The following ADAMTSL1 variants were observed in gnomAD, a reference collection of about 807,000 sequenced individuals.
The protein encoded by ADAMTSL1 is ADAMTS like 1, also known as ADAMTS-like protein 1.
A neutral mutation model predicts 201.8 loss-of-function variants in ADAMTSL1; 126 were observed. The ratio of observed to expected loss-of-function variants is 0.62; its 90% CI spans 0.54 to 0.72. ADAMTSL1 has a LOEUF of 0.72. ADAMTSL1 is among the 30% of genes least tolerant of loss of function. The pLI, the probability that ADAMTSL1 is intolerant of heterozygous loss-of-function variation, is 0.00. For missense variants in ADAMTSL1, 2,679 were observed against 2,277.8 expected (o/e 1.18, Z -3.59); for synonymous variants, 1,121 against 903.4 (o/e 1.24, Z -4.32).
chr9:18,557,768 A>G (rs1821190418), intron 3 of ADAMTSL1, among the ~76,000 whole-genome samples: 1 of 152,092 alleles, frequency 6.6e-6, no homozygotes. Context: ...AATGACTGGC[A>G]TAAGAACCAC....
intron 2 of ADAMTSL1, among the ~76,000 whole-genome samples, chr9:18,166,499 AT>A (rs535283368): frequency 6.6e-6 from 1 of 152,070 alleles, no homozygotes; most frequent in South Asian, 2.1e-4. Flanking sequence ...TGATAAAAAA[AT>A]ATTTGGGATT....
chr9:18,534,903 C>T (rs991084345), intron 3 of ADAMTSL1, among the ~76,000 whole-genome samples: 1 of 152,206 alleles, frequency 6.6e-6, no homozygotes, highest in Non-Finnish European at 1.5e-5. Flanking sequence ...CAGGGGGCCA[C>T]AGACCTGGTC....
At chr9:18,286,523 A>C (rs1217159681) in intron 2 of ADAMTSL1, among the ~76,000 whole-genome samples, 1 of 152,328 alleles carries the variant, frequency 6.6e-6, no homozygotes, top group East Asian at 1.9e-4. Flanking sequence ...CAGAACTTGC[A>C]TCCAAAGATA....
At chr9:18,104,676 C>G (rs924644124) in intron 1 of ADAMTSL1, among the ~76,000 whole-genome samples, 2 of 152,162 alleles carry the variant, frequency 1.3e-5, no homozygotes, top group Non-Finnish European at 2.9e-5. Context: ...ACTAAAAGCC[C>G]AGACTTCACC....
At chr9:18,799,368 A>G (rs1822631255) in intron 20 of ADAMTSL1, among the ~76,000 whole-genome samples, 1 of 152,228 alleles carries the variant, frequency 6.6e-6, no homozygotes, top group South Asian at 2.1e-4. Flanking sequence ...TTCAGCACTC[A>G]GCCATCTTGC....
chr9:18,591,102 T>C (rs1197348086), intron 4 of ADAMTSL1, among the ~76,000 whole-genome samples: 3 of 152,186 alleles, frequency 2.0e-5, no homozygotes, highest in Admixed American at 2.0e-4. Flanking sequence ...GTCTGGATGA[T>C]CTGTCCATTG....
intron 1 of ADAMTSL1, among the ~76,000 whole-genome samples, chr9:17,970,260 G>A (rs1470402042): frequency 1.3e-5 from 2 of 151,986 alleles, no homozygotes; most frequent in African/African-American, 2.4e-5. Context: ...AGGACCCATT[G>A]TATCTTTTAT....
At position 18,777,630 on chromosome 9, in the gene ADAMTSL1, C is replaced by G. The variant is rs768043936; in HGVS notation, c.3401C>G (p.Pro1134Arg). The change falls in exon 19 of 29, where the codon CCT (proline) becomes CGT (arginine). Residue 1134 changes from proline to arginine, a missense_variant. Pro to Arg is a moderately radical substitution (Grantham distance 103). Coordinates refer to ENST00000380548, the MANE Select transcript of ADAMTSL1 (RefSeq NM_001040272.6). ...AGGACTTCCCCAGTGACTCTCTCGC[C>G]TCATAAACACGTGTCTGGCTTCAGC... Reference protein sequence around the residue: ...ERRTSPVTLSPHKHVSGFSSS... With the variant: ...ERRTSPVTLSRHKHVSGFSSS... 3 of 1,613,728 alleles carry G rather than the reference C, an allele frequency of 1.9e-6. No individual in the cohort carries two copies. Among genetic ancestry groups the G allele is most frequent in the African/African-American group, 2.7e-5 (2 of 75,044 alleles).
At chr9:18,044,799 G>C (rs1280484574) in intron 1 of ADAMTSL1, among the ~76,000 whole-genome samples, 1 of 152,120 alleles carries the variant, frequency 6.6e-6, no homozygotes, top group Non-Finnish European at 1.5e-5. Flanking sequence ...TATCAGCAGA[G>C]TCACACCTAG....
At chr9:18,686,280 C>G (rs2133208610) in intron 13 of ADAMTSL1, among the ~76,000 whole-genome samples, 1 of 152,276 alleles carries the variant, frequency 6.6e-6, no homozygotes, top group East Asian at 1.9e-4. Context: ...TATTTCTGTA[C>G]TGTAAAGTTA....
intron 2 of ADAMTSL1, among the ~76,000 whole-genome samples, chr9:18,208,437 A>G (rs1829742500): frequency 6.6e-6 from 1 of 152,170 alleles, no homozygotes; most frequent in Non-Finnish European, 1.5e-5. Flanking sequence ...CAGCCCATGG[A>G]TCATCAGATA....
At chr9:18,539,607 TC>T (rs1820004674) in intron 3 of ADAMTSL1, among the ~76,000 whole-genome samples, 1 of 152,182 alleles carries the variant, frequency 6.6e-6, no homozygotes, top group Non-Finnish European at 1.5e-5. Flanking sequence ...TTCTATGACA[TC>T]TCATCTTCGT....
chr9:18,846,248 T>C (rs1170357273), intron 23 of ADAMTSL1, among the ~76,000 whole-genome samples: 3 of 152,114 alleles, frequency 2.0e-5, no homozygotes, highest in Non-Finnish European at 2.9e-5. Context: ...TAGAGTCTGA[T>C]GGGAAAGTTC....
intron 3 of ADAMTSL1, among the ~76,000 whole-genome samples, chr9:18,540,880 C>G (rs1238313192): frequency 2.0e-5 from 3 of 152,158 alleles, no homozygotes; most frequent in Non-Finnish European, 2.9e-5. Flanking sequence ...AATCCCCCAC[C>G]TACTAGAGAG....
At chr9:18,280,872 G>A (rs1024610255) in intron 2 of ADAMTSL1, among the ~76,000 whole-genome samples, 5 of 108,586 alleles carry the variant, frequency 4.6e-5, no homozygotes, top group South Asian at 3.6e-4. Flanking sequence ...GCTGCATTCC[G>A]CTTTTTTTTT....
At chr9:18,479,980 C>T (rs1005078684) in intron 1 of ADAMTSL1, among the ~76,000 whole-genome samples, 28 of 152,176 alleles carry the variant, frequency 1.8e-4, no homozygotes, top group African/African-American at 6.8e-4. Context: ...TACGTAGCCA[C>T]ACACTGAACA....
chr9:18,161,047 A>T (rs1208894134), intron 1 of ADAMTSL1, among the ~76,000 whole-genome samples: 1 of 151,844 alleles, frequency 6.6e-6, no homozygotes, highest in Non-Finnish European at 1.5e-5. Flanking sequence ...ACATAAAAGT[A>T]TTGGATAAAT....
At chr9:18,041,809 T>G (rs1418269447) in intron 1 of ADAMTSL1, among the ~76,000 whole-genome samples, 1 of 152,056 alleles carries the variant, frequency 6.6e-6, no homozygotes, top group Non-Finnish European at 1.5e-5. Flanking sequence ...CAGCTGAGGA[T>G]GAAGTAAACA....
At chr9:18,393,350 T>G (rs925324092) in intron 2 of ADAMTSL1, among the ~76,000 whole-genome samples, 3 of 152,168 alleles carry the variant, frequency 2.0e-5, no homozygotes, top group African/African-American at 7.2e-5. Flanking sequence ...AGTTCATGGT[T>G]GCTTGGACCT....
Sources: allele counts gnomAD v4.1 joint callset (sites outside exome capture counted in the v4.1 genomes callset), GRCh38; gene constraint gnomAD v4.1.1; transcripts MANE v1.5; gene names NCBI Gene and HGNC (gene_info 2026-07-23, HGNC 2026-07-21).